The following RHOBTB2 variants were observed in gnomAD, a reference collection of about 807,000 sequenced individuals.
RHOBTB2 encodes the protein rho-related BTB domain-containing protein 2.
RHOBTB2 carries 39 observed loss-of-function variants against 66.5 expected under a neutral mutation model. The observed-to-expected ratio is 0.59, with a 90% CI of 0.45 to 0.77. RHOBTB2 has a LOEUF of 0.77. Ranked by LOEUF, RHOBTB2 falls within the 30% of genes least tolerant of loss-of-function variation. The pLI is 0.00. For synonymous variants in RHOBTB2, 390 were observed against 395.0 expected (o/e 0.99, Z 0.15); for missense variants, 755 against 999.1 (o/e 0.76, Z 3.29).
At chr8:23,011,221 T>C (rs1407960479) in intron 7 of RHOBTB2, among the ~76,000 whole-genome samples, 3 of 152,196 alleles carry the variant, frequency 2.0e-5, no homozygotes, top group Admixed American at 1.3e-4. Flanking sequence ...ACCACTGCAC[T>C]CCAGCCTGGG....
rs1428079901 is a variant in RHOBTB2, at chr8:23,017,269, G to A, written c.1984G>A (p.Glu662Lys). The A allele has an allele frequency of 2.5e-6, 4 of 1,614,104 alleles. No individual in the cohort carries two copies. Among genetic ancestry groups the A allele is most frequent in the South Asian group, 1.1e-5 (1 of 91,080 alleles). ...AMSPENQEYF[E>K]KHRWPPVWYL... ...TGCTCCAGAAAACCAGGAGTATTTC[G>A]AGAAGCATCGGTGGCCACCTGTGTG... Residue 662 changes from glutamate (E) to lysine (K), a missense_variant, in exon 10 of 10, where the codon GAG (glutamate) becomes AAG (lysine). By Grantham distance (56) the Glu-to-Lys change is moderately conservative. This residue lies in a region of RHOBTB2 where 353 missense variants were observed against 458.2 expected (regional missense o/e 0.77). Coordinates refer to ENST00000251822, the MANE Select transcript of RHOBTB2 (RefSeq NM_015178.3). This position sits in a 1 kb window ranked among gnomAD's most constrained non-coding sequence, Gnocchi z 5.3.
chr8:22,992,420 C>A (rs978971247), intron 2 of RHOBTB2, among the ~76,000 whole-genome samples: 3 of 152,170 alleles, frequency 2.0e-5, no homozygotes, highest in Non-Finnish European at 2.9e-5. Flanking sequence ...CTTCTCACTC[C>A]CAGCTCTGCA....
rs748651823 is a variant in RHOBTB2, at chr8:23,007,408, C to T, written c.1163C>T (p.Ser388Phe). 1 of 1,614,148 alleles carries T rather than the reference C, an allele frequency of 6.2e-7. No homozygotes were observed. The highest frequency in any genetic ancestry group is 8.5e-7 in the Non-Finnish European group (1 of 1,180,026). Reference protein sequence around the residue: ...YLPGRGRVLSSWSRAFVSIQE... With the variant: ...YLPGRGRVLSFWSRAFVSIQE... Reference sequence around the variant, plus strand: ...CCGGGCAGGGGTCGTGTGCTGTCTTCCTGGAGCCGAGCTTTTGTGAGCATC... The same window carrying T: ...CCGGGCAGGGGTCGTGTGCTGTCTTTCTGGAGCCGAGCTTTTGTGAGCATC... Residue 388 changes from serine to phenylalanine, a missense_variant, in exon 5 of 10, where the codon TCC becomes TTC. This residue lies in a region of RHOBTB2 where 247 missense variants were observed against 238.9 expected (regional missense o/e 1.03). Transcript: ENST00000251822.
At chr8:22,958,884 A>G in the RHOBTB2 span, among the ~76,000 whole-genome samples, 1 of 150,458 alleles carries the variant, frequency 6.6e-6, no homozygotes, top group East Asian at 2.0e-4. Context: ...AATGGGACCC[A>G]GAATGGGGTA....
intron 8 of RHOBTB2, 111 bp downstream of exon 8, chr8:23,014,889 C>A: frequency 1.2e-6 from 1 of 844,376 alleles, no homozygotes; most frequent in Non-Finnish European, 2.0e-6. Flanking sequence ...AACCTGTCAT[C>A]GGACTGGGCT....
chr8:22,997,724 T>C (rs1158407666), upstream of RHOBTB2, among the ~76,000 whole-genome samples: 1 of 152,122 alleles, frequency 6.6e-6, no homozygotes, highest in Non-Finnish European at 1.5e-5. Context: ...CCAGGACAGG[T>C]GAAAGGTGAT....
At chr8:22,987,163 C>T (rs996562043), upstream of RHOBTB2, among the ~76,000 whole-genome samples, 2 of 152,242 alleles carry the variant, frequency 1.3e-5, no homozygotes, top group Non-Finnish European at 2.9e-5. Context: ...CTGAGAAGAA[C>T]AGGCCAGGAC....
At chr8:22,978,380 A>T in the RHOBTB2 span, among the ~76,000 whole-genome samples, 1 of 151,390 alleles carries the variant, frequency 6.6e-6, no homozygotes, top group Non-Finnish European at 1.5e-5. Context: ...CCAGCTACTC[A>T]GGAGGCTGAG....
At chr8:23,013,330 C>T (rs759970486) in intron 7 of RHOBTB2, among the ~76,000 whole-genome samples, 1 of 152,010 alleles carries the variant, frequency 6.6e-6, no homozygotes, top group East Asian at 1.9e-4. Context: ...CCACCTCTCC[C>T]TCCTCTCTCA....
chr8:22,964,760 C>T, the RHOBTB2 span, among the ~76,000 whole-genome samples: 1 of 151,840 alleles, frequency 6.6e-6, no homozygotes, highest in African/African-American at 2.4e-5. Flanking sequence ...CCAAACTAAG[C>T]TACACGGCTA....
rs539701637 is a variant in RHOBTB2, at chr8:22,988,938, T to C, written c.-137+1375T>C. 3.7e-4 allele frequency among the ~76,000 whole-genome samples: 57 copies of C among 152,264 alleles called. 1 individual carries two copies. In the South Asian group the frequency reaches 0.012, roughly 31 times the overall value. On this transcript the variant is annotated intron_variant, in intron 1 of 11. Transcript: ENST00000519685. ...TGATTTGGGCCCTCTTACCTCACCA[T>C]GTAAGGATCTTGCTGGCCCTGTTAA...
intron 7 of RHOBTB2, among the ~76,000 whole-genome samples, chr8:23,011,370 T>C (rs1016315151): frequency 6.6e-6 from 1 of 152,202 alleles, no homozygotes; most frequent in African/African-American, 2.4e-5. Flanking sequence ...ATTTCTACCC[T>C]GTGGTTCTCC....
At chr8:22,988,674 T>C (rs1173806959) in intron 1 of RHOBTB2, among the ~76,000 whole-genome samples, 1 of 152,194 alleles carries the variant, frequency 6.6e-6, no homozygotes, top group Non-Finnish European at 1.5e-5. Flanking sequence ...TCAGGCTTAC[T>C]GTAGGAATTC....
At chr8:22,954,482 C>T in the RHOBTB2 span, among the ~76,000 whole-genome samples, 2 of 152,108 alleles carry the variant, frequency 1.3e-5, no homozygotes, top group African/African-American at 4.8e-5. Flanking sequence ...GTATCGTTTT[C>T]TATTGCAGAC....
the RHOBTB2 span, among the ~76,000 whole-genome samples, chr8:22,974,257 C>T: frequency 6.6e-6 from 1 of 152,182 alleles, no homozygotes; most frequent in Non-Finnish European, 1.5e-5. Context: ...TTACATAACA[C>T]CTGAGGAGAA....
chr8:22,975,291 C>T, the RHOBTB2 span, among the ~76,000 whole-genome samples: 1 of 152,208 alleles, frequency 6.6e-6, no homozygotes. Flanking sequence ...TCTTCTCTCA[C>T]TAGCTGGGGA....
Position 23,007,220 on chromosome 8 carries a change from ACACCAC to A in RHOBTB2, c.981_986del (p.His333_His334del), listed in dbSNP as rs754479791. 2 of 1,608,338 alleles carry A rather than the reference ACACCAC, an allele frequency of 1.2e-6. No homozygotes were observed. The highest frequency in any genetic ancestry group is 2.2e-5 in the South Asian group (2 of 90,780). On this transcript the variant is annotated inframe_deletion, in exon 5 of 10. Coordinates refer to ENST00000251822, the MANE Select transcript of RHOBTB2 (RefSeq NM_015178.3). ...AGGACCACCAGGGCCACTCTGATCA[ACACCAC>A]CACCATCACCACCACCACCATGGGC...
Position 23,004,360 on chromosome 8 carries a change from C to A in RHOBTB2, c.-10-65C>A. On this transcript the variant is annotated intron_variant, in intron 1 of 9. Transcript: ENST00000251822. This position sits in a 1 kb window ranked among gnomAD's most constrained non-coding sequence, Gnocchi z 6.4. ...GCCTGGCTGAGGAGAGCTGCGGGTG[C>A]TGGCCCTGGCCCACGGCGAGCTGGC... 2.1e-6 allele frequency: 3 copies of A among 1,402,712 alleles called. No individual in the cohort carries two copies. Among genetic ancestry groups the A allele is most frequent in the Non-Finnish European group, 3.0e-6 (3 of 992,010 alleles). The allele number at this position is 1,402,712 out of a possible 1,614,324, so 86.9% of individuals were successfully genotyped here. A position where few individuals can be genotyped will look rare whatever the true frequency, so the allele number is the denominator to read the frequency against.
chr8:22,996,545 GTGTGTGTGTGTGTGTGTGTGTGTC>G (rs1382066701), upstream of RHOBTB2, among the ~76,000 whole-genome samples: 593 of 127,310 alleles, frequency 4.7e-3, 7 homozygotes, highest in Admixed American at 9.6e-3. Flanking sequence ...GTGTGTGTGT[GTGTGTGTGTGTGTGTGTGTGTGTC>G]TGTGTGTCTG....
Sources: gnomAD v4.1 joint callset for allele counts (sites outside exome capture counted in the v4.1 genomes callset) on GRCh38, gnomAD v4.1.1 for gene constraint, gnomAD v4.1.1 regional missense constraint, Gnocchi (gnomAD v3.1) non-coding constraint, MANE v1.5 for transcripts, NCBI Gene and HGNC (gene_info 2026-07-23, HGNC 2026-07-21) for gene names.